The following ZNF517 variants were observed in gnomAD, a reference collection of about 807,000 sequenced individuals.
ZNF517 encodes the protein zinc finger protein 517.
In ZNF517, 12 loss-of-function variants were observed where a neutral mutation model predicts 12.1. That is an observed-to-expected ratio of 0.99 (90% CI 0.63 to 1.61). The LOEUF (loss-of-function observed/expected upper bound fraction) is 1.61, where lower values mean the gene tolerates loss of function less well. Among genes scored for constraint, ZNF517 ranks in the 40% most tolerant of loss-of-function variants. The pLI, the probability that ZNF517 is intolerant of heterozygous loss-of-function variation, is 0.00. For synonymous variants in ZNF517, 388 were observed against 310.2 expected (o/e 1.25, Z -2.63); for missense variants, 781 against 693.2 (o/e 1.13, Z -1.42).
intron 1 of ZNF517, among the ~76,000 whole-genome samples, chr8:144,802,147 T>G (rs1305041213): frequency 6.6e-6 from 1 of 152,242 alleles, no homozygotes; most frequent in Non-Finnish European, 1.5e-5. Context: ...TCTGCTTGTT[T>G]CATGTAGTAA....
At chr8:144,803,920 C>T in intron 3 of ZNF517, 153 bp downstream of exon 3, 2 of 1,234,238 alleles carry the variant, frequency 1.6e-6, no homozygotes, top group Non-Finnish European at 2.2e-6. Flanking sequence ...TGTTGGGCAC[C>T]CACTGCCAGC....
chr8:144,803,461 TCTG>T (rs1827067617), intron 2 of ZNF517, 177 bp from the exon 3 acceptor site: 1 of 723,950 alleles, frequency 1.4e-6, no homozygotes, highest in South Asian at 2.1e-5. Flanking sequence ...CTCTGGGGCT[TCTG>T]CTGAGAATGA....
At chr8:144,804,380 C>T (rs1827121534) in intron 4 of ZNF517, 142 bp downstream of exon 4, 1 of 613,142 alleles carries the variant, frequency 1.6e-6, no homozygotes, top group African/African-American at 1.9e-5. Flanking sequence ...TACTAACTGC[C>T]TTGCTTGTAG....
downstream of ZNF517, among the ~76,000 whole-genome samples, chr8:144,811,390 C>T (rs1237127563): frequency 6.6e-6 from 1 of 152,134 alleles, no homozygotes; most frequent in Non-Finnish European, 1.5e-5. Flanking sequence ...GTGGGAGAGA[C>T]ACCGACAGTA....
In ZNF517 at chr8:144,807,264, C is replaced by A. The variant is rs766036351; in HGVS notation, c.348C>A (p.Gly116=). ...RKLSRQAGLP[G]TVWGCLPWGH... is the part of the protein sequence containing the mutation. ...TCTCCAGGCAGGCAGGACTGCCGGGCACCGTGTGGGGGTGCCTCCCCTGGG... is the reference window on the plus strand; with the variant it reads ...TCTCCAGGCAGGCAGGACTGCCGGGAACCGTGTGGGGGTGCCTCCCCTGGG... The change falls in exon 5 of 5, where the codon GGC becomes GGA. Residue 116 remains glycine, a synonymous_variant. Transcript: ENST00000359971. 4 of 1,554,276 alleles carry A rather than the reference C, an allele frequency of 2.6e-6. No homozygotes were observed. The highest frequency in any genetic ancestry group is 4.0e-5 in the Admixed American group (2 of 50,280).
Position 144,809,072 on chromosome 8 carries a change from G to C in ZNF517, c.*677G>C, listed in dbSNP as rs1827448690. ...GAGGTGGGAGGATGGGTTGAGCCTG[G>C]GAAGTCAAGGCTGCAGTGAGCTATG... On this transcript the variant is annotated 3_prime_UTR_variant, in exon 5 of 5. Coordinates refer to ENST00000359971, the MANE Select transcript of ZNF517 (RefSeq NM_213605.3). 2 of 152,252 alleles carry C rather than the reference G, an allele frequency of 1.3e-5. No individual in the cohort carries two copies. Among genetic ancestry groups the C allele is most frequent in the Admixed American group, 6.5e-5 (1 of 15,280 alleles). The allele number at this position is 152,252 out of a possible 1,614,324, so 9.4% of individuals were successfully genotyped here. A position where few individuals can be genotyped will look rare whatever the true frequency, so the allele number is the denominator to read the frequency against.
At chr8:144,807,062 C>A in intron 4 of ZNF517, 129 bp from the exon 5 acceptor site, 2 of 1,228,484 alleles carry the variant, frequency 1.6e-6, no homozygotes, top group South Asian at 1.8e-5. Flanking sequence ...TTTTATTTGT[C>A]ATTTATACCT....
chr8:144,800,717 T>C (rs1269151821), intron 1 of ZNF517: 1 of 984,398 alleles, frequency 1.0e-6, no homozygotes, highest in Non-Finnish European at 1.2e-6. Context: ...GCAGGGGTGA[T>C]TCACGAATCT....
chr8:144,812,231 G>C (rs372885159), downstream of ZNF517, among the ~76,000 whole-genome samples: 3 of 136,138 alleles, frequency 2.2e-5, no homozygotes, highest in Admixed American at 7.6e-5. Context: ...GGGAGAGACA[G>C]GGACAATAAA....
At chr8:144,801,281 TGAG>T (rs1169354341) in intron 1 of ZNF517, among the ~76,000 whole-genome samples, 1 of 151,882 alleles carries the variant, frequency 6.6e-6, no homozygotes, top group Non-Finnish European at 1.5e-5. Flanking sequence ...AAGGGAAGAG[TGAG>T]GAGAACAGGG....
downstream of ZNF517, among the ~76,000 whole-genome samples, chr8:144,811,776 C>A (rs2955215): frequency 9.9e-5 from 11 of 111,368 alleles, no homozygotes; most frequent in African/African-American, 1.1e-4. Context: ...AGACTGCAGC[C>A]TGGAAGCAAA....
intron 1 of ZNF517, chr8:144,802,657 C>T: frequency 1.4e-6 from 1 of 727,696 alleles, no homozygotes; most frequent in Non-Finnish European, 1.7e-6. Flanking sequence ...CAGAAGGCCT[C>T]CCAGCAAGGT....
In ZNF517 at chr8:144,809,175, C is replaced by CTCTATCTATCTA. The variant is rs112936151; in HGVS notation, c.*796_*807dup. 37 of 150,704 alleles carry CTCTATCTATCTA rather than the reference C, an allele frequency of 2.5e-4. No individual in the cohort carries two copies. The highest frequency in any genetic ancestry group is 8.3e-4 in the African/African-American group (34 of 40,820). The allele number at this position is 150,704 out of a possible 1,614,324, so 9.3% of individuals were successfully genotyped here. A position where few individuals can be genotyped will look rare whatever the true frequency, so the allele number is the denominator to read the frequency against. On this transcript the variant is annotated 3_prime_UTR_variant, in exon 5 of 5. Transcript: ENST00000359971. Reference sequence around the variant, plus strand: ...AAAAAAGCCTAGATGGCTGGTGGAGCTCTATCTATCTATCTATCTATCTAT... The same window carrying CTCTATCTATCTA: ...AAAAAAGCCTAGATGGCTGGTGGAGCTCTATCTATCTATCTATCTATCTATCTATCTATCTAT...
At chr8:144,805,898 C>T (rs956812145) in intron 4 of ZNF517, among the ~76,000 whole-genome samples, 2 of 152,142 alleles carry the variant, frequency 1.3e-5, no homozygotes, top group East Asian at 1.9e-4. Flanking sequence ...GGATTACAGG[C>T]GTGAGCCACC....
In ZNF517 at chr8:144,802,959, C is replaced by T; in HGVS notation, c.33+12C>T. 1 of 1,613,922 alleles carries T rather than the reference C, an allele frequency of 6.2e-7. No individual in the cohort carries two copies. Among genetic ancestry groups the T allele is most frequent in the Non-Finnish European group, 8.5e-7 (1 of 1,179,936 alleles). On this transcript the variant is annotated intron_variant, in intron 2 of 4. Coordinates refer to ENST00000359971, the MANE Select transcript of ZNF517 (RefSeq NM_213605.3). The stretch of plus-strand genomic sequence containing the variant: ...TGCCTGGACCTCAGGTGAGCACCCC[C>T]TGAGCCCGTCCATTGCCCCAGGAGA...
At chr8:144,799,794 G>A (rs1400128206) in intron 1 of ZNF517, among the ~76,000 whole-genome samples, 9 of 152,018 alleles carry the variant, frequency 5.9e-5, no homozygotes, top group Non-Finnish European at 1.3e-4. Flanking sequence ...CAAAAAATTA[G>A]CCGGGCGTGG....
Position 144,808,823 on chromosome 8 carries a change from G to C in ZNF517, c.*428G>C, listed in dbSNP as rs998396872. On this transcript the variant is annotated 3_prime_UTR_variant, in exon 5 of 5. Coordinates refer to ENST00000359971, the MANE Select transcript of ZNF517 (RefSeq NM_213605.3). ...GGCTCCGTGTGGCGGTCAATTCCAG[G>C]TGCTGTAAAGCCGACTAACAGGGTA... 6.3e-6 allele frequency: 1 copy of C among 157,780 alleles called. No individual in the cohort carries two copies. The highest frequency in any genetic ancestry group is 1.4e-5 in the Non-Finnish European group (1 of 72,118). 9.8% of individuals were successfully genotyped at this position (157,780 alleles called of 1,614,324 possible). A position where few individuals can be genotyped will look rare whatever the true frequency, so the allele number is the denominator to read the frequency against.
chr8:144,812,302 G>A (rs1392645662), downstream of ZNF517, among the ~76,000 whole-genome samples: 3 of 101,232 alleles, frequency 3.0e-5, no homozygotes, highest in African/African-American at 5.1e-5. Context: ...GGAGAGACAC[G>A]GACAGTAAAG....
Position 144,802,946 on chromosome 8 carries a change from A to G in ZNF517, c.32A>G (p.Gln11Arg). 6.2e-7 allele frequency: 1 copy of G among 1,613,904 alleles called. No homozygotes were observed. The highest frequency in any genetic ancestry group is 8.5e-7 in the Non-Finnish European group (1 of 1,179,922). MAMALPMPGP[Q>R]EAVVFEDVAV... ...ATGGCACTCCCGATGCCTGGACCTC[A>G]GGTGAGCACCCCCTGAGCCCGTCCA... is the stretch of plus-strand genomic sequence containing the variant. The change falls in exon 2 of 5, where the codon CAG becomes CGG. Residue 11 changes from glutamine (Q) to arginine (R), a missense_variant and splice_region_variant. Physicochemically the swap from Gln to Arg is conservative, Grantham distance 43. Transcript: ENST00000359971.
Sources: allele counts gnomAD v4.1 joint callset (sites outside exome capture counted in the v4.1 genomes callset), GRCh38; gene constraint gnomAD v4.1.1; transcripts MANE v1.5; gene names NCBI Gene and HGNC (gene_info 2026-07-23, HGNC 2026-07-21).